The following TAMM41 variants were observed in gnomAD, a reference collection of about 807,000 sequenced individuals.
The protein encoded by TAMM41 is phosphatidate cytidylyltransferase, mitochondrial.
Under a neutral mutation model 44.1 loss-of-function variants are expected in TAMM41, and 36 were observed. The observed-to-expected ratio is 0.82, with a 90% CI of 0.63 to 1.08. TAMM41 has a LOEUF of 1.08. Ranked by LOEUF, TAMM41 falls within the 50% of genes least tolerant of loss-of-function variation. TAMM41 has a pLI of 0.00. For synonymous variants in TAMM41, 164 were observed against 153.1 expected (o/e 1.07, Z -0.53); for missense variants, 417 against 404.3 (o/e 1.03, Z -0.27).
At chr3:11,808,239 TG>T in intron 6 of TAMM41, 1 of 1,098,864 alleles carries the variant, frequency 9.1e-7, no homozygotes, top group Non-Finnish European at 1.1e-6. Context: ...TTCCATAACA[TG>T]AAAAGATAAA....
At chr3:11,724,236 T>TAAGGTA in the TAMM41 span, among the ~76,000 whole-genome samples, 3 of 149,772 alleles carry the variant, frequency 2.0e-5, no homozygotes. Context: ...CCTGAGTAGC[T>TAAGGTA]GGGATCACAG....
intron 7 of TAMM41, among the ~76,000 whole-genome samples, chr3:11,805,236 G>C (rs148826368): frequency 2.6e-5 from 4 of 151,260 alleles, no homozygotes; most frequent in African/African-American, 9.7e-5. Context: ...CCCTGAGCTC[G>C]GGCAATCTGC....
At chr3:11,818,599 G>C (rs529925371) in intron 4 of TAMM41, among the ~76,000 whole-genome samples, 2 of 152,238 alleles carry the variant, frequency 1.3e-5, no homozygotes, top group African/African-American at 2.4e-5. Context: ...TGCAAGCTTA[G>C]AAAAACAGAC....
At chr3:11,766,532 A>G in the TAMM41 span, among the ~76,000 whole-genome samples, 1 of 151,572 alleles carries the variant, frequency 6.6e-6, no homozygotes, top group South Asian at 2.1e-4. Flanking sequence ...ATTTTTATTT[A>G]TTTATTTTAT....
the TAMM41 span, among the ~76,000 whole-genome samples, chr3:11,780,347 A>G: frequency 6.6e-6 from 1 of 152,156 alleles, no homozygotes; most frequent in South Asian, 2.1e-4. Context: ...TTGAATATCC[A>G]TAGTCCTATG....
chr3:11,813,085 T>G (rs984005907), intron 5 of TAMM41, among the ~76,000 whole-genome samples: 6 of 152,204 alleles, frequency 3.9e-5, no homozygotes, highest in African/African-American at 1.4e-4. Flanking sequence ...TTTATTTTTA[T>G]AGTTAGAGAA....
chr3:11,804,617 A>T (rs564018226), intron 7 of TAMM41, among the ~76,000 whole-genome samples: 1 of 152,334 alleles, frequency 6.6e-6, no homozygotes, highest in South Asian at 2.1e-4. Flanking sequence ...GCCTCACCCA[A>T]GGAGGATCAT....
chr3:11,790,323 C>T, downstream of TAMM41: 1 of 627,120 alleles, frequency 1.6e-6, no homozygotes, highest in Non-Finnish European at 2.8e-6. Context: ...GATGCTAAGC[C>T]CTCTAATATA....
chr3:11,794,302 A>C (rs1559265343), intron 7 of TAMM41, among the ~76,000 whole-genome samples: 1 of 151,966 alleles, frequency 6.6e-6, no homozygotes, highest in Admixed American at 6.6e-5. Flanking sequence ...ACGCCCGGCT[A>C]ATTTTATTTT....
chr3:11,744,797 C>T, the TAMM41 span, among the ~76,000 whole-genome samples: 31 of 152,094 alleles, frequency 2.0e-4, no homozygotes, highest in Non-Finnish European at 4.1e-4. Context: ...GAGGCCAAGG[C>T]AAGAGGATTC....
At chr3:11,787,777 C>G (rs988162814), downstream of TAMM41, among the ~76,000 whole-genome samples, 1 of 152,146 alleles carries the variant, frequency 6.6e-6, no homozygotes, top group African/African-American at 2.4e-5. Context: ...GCAACTTGAC[C>G]AAGGACACAG....
intron 5 of TAMM41, among the ~76,000 whole-genome samples, chr3:11,816,636 T>C (rs890804795): frequency 9.2e-5 from 14 of 152,164 alleles, no homozygotes; most frequent in Admixed American, 3.3e-4. Flanking sequence ...TGTGGTGGCA[T>C]GCACCTGTAG....
At chr3:11,733,741 C>T in the TAMM41 span, among the ~76,000 whole-genome samples, 187 of 152,030 alleles carry the variant, frequency 1.2e-3, no homozygotes, top group Non-Finnish European at 2.4e-3. Context: ...GTGATGCATC[C>T]GCCTCGGCCT....
At chr3:11,788,192 A>G (rs939348648), downstream of TAMM41, among the ~76,000 whole-genome samples, 6 of 152,322 alleles carry the variant, frequency 3.9e-5, 1 homozygote, top group African/African-American at 4.8e-5. Context: ...TCTAGTTGGT[A>G]AAGTATCTAC....
At chr3:11,755,286 GTC>G in the TAMM41 span, among the ~76,000 whole-genome samples, 1 of 148,204 alleles carries the variant, frequency 6.7e-6, no homozygotes, top group Non-Finnish European at 1.5e-5. Flanking sequence ...ACGTGTAGAT[GTC>G]TCTCCCAGCC....
At chr3:11,784,042 A>C in the TAMM41 span, among the ~76,000 whole-genome samples, 1 of 152,228 alleles carries the variant, frequency 6.6e-6, no homozygotes, top group South Asian at 2.1e-4. Context: ...AAAGACTACA[A>C]CAACCCGATA....
At chr3:11,829,982 T>A in intron 3 of TAMM41, 118 bp from the exon 4 acceptor site, 1 of 959,892 alleles carries the variant, frequency 1.0e-6, no homozygotes, top group Non-Finnish European at 1.5e-6. Flanking sequence ...CTTGGAATAC[T>A]GGTTCAGGTG....
At chr3:11,760,592 G>C in the TAMM41 span, among the ~76,000 whole-genome samples, 1 of 147,658 alleles carries the variant, frequency 6.8e-6, no homozygotes, top group African/African-American at 2.6e-5. Flanking sequence ...ATAGGGTCTT[G>C]CTCTGTTGCC....
chr3:11,759,393 T>C, the TAMM41 span, among the ~76,000 whole-genome samples: 727 of 151,850 alleles, frequency 4.8e-3, 3 homozygotes, highest in Non-Finnish European at 8.0e-3. Flanking sequence ...CCAACTCTGC[T>C]TGGAAGTGGT....
Sources: allele counts gnomAD v4.1 joint callset (sites outside exome capture counted in the v4.1 genomes callset), GRCh38; gene constraint gnomAD v4.1.1; transcripts MANE v1.5; gene names NCBI Gene and HGNC (gene_info 2026-07-23, HGNC 2026-07-21).